Variants in AGT observed in about 807,000 individuals in gnomAD.
AGT encodes the protein angiotensinogen.
Under a neutral mutation model 28.1 loss-of-function variants are expected in AGT, and 26 were observed. The ratio of observed to expected loss-of-function variants is 0.92; its 90% CI spans 0.68 to 1.28. The LOEUF is 1.28. AGT is among the 50% of genes most tolerant of loss of function. The pLI is 0.00. For synonymous variants in AGT, 259 were observed against 259.6 expected (o/e 1.00, Z 0.02); for missense variants, 596 against 592.3 (o/e 1.01, Z -0.06).
intron 1 of AGT, among the ~76,000 whole-genome samples, chr1:230,732,519 A>G (rs1302694634): frequency 2.6e-5 from 4 of 152,252 alleles, no homozygotes; most frequent in African/African-American, 9.6e-5. Flanking sequence ...ATGCAAGAAT[A>G]ACTTTTGACT....
intron 1 of AGT, among the ~76,000 whole-genome samples, chr1:230,730,490 G>C (rs780545710): frequency 6.6e-6 from 1 of 152,062 alleles, no homozygotes; most frequent in Non-Finnish European, 1.5e-5. Flanking sequence ...CTTGAGGCTC[G>C]CTTTGGGTTT....
chr1:230,742,214 A>G (rs1452990232), intron 1 of AGT, among the ~76,000 whole-genome samples: 1 of 152,118 alleles, frequency 6.6e-6, no homozygotes, highest in African/African-American at 2.4e-5. Flanking sequence ...ATCTTTGTGT[A>G]GTTTCCGAGA....
Position 230,710,252 on chromosome 1 carries a change from T to A in AGT, c.572A>T (p.Gln191Leu), listed in dbSNP as rs1270301819. ...LLVAQGRADS[Q>L]AQLLLSTVVG... ...CACCGTGGACAGCAGCAGCTGGGCCTGGCTATCAGCCCTGCCCTGGGCCAC... is the reference window on the plus strand; with the variant it reads ...CACCGTGGACAGCAGCAGCTGGGCCAGGCTATCAGCCCTGCCCTGGGCCAC... The change falls in exon 2 of 5, where the codon CAG becomes CTG. Residue 191 changes from glutamine (Q) to leucine (L), a missense_variant. By Grantham distance (113) the Gln-to-Leu change is moderately radical. Transcript: ENST00000366667. 1 of 1,613,556 alleles carries A rather than the reference T, an allele frequency of 6.2e-7. No homozygotes were observed. Among genetic ancestry groups the A allele is most frequent in the African/African-American group, 1.3e-5 (1 of 74,932 alleles).
intron 1 of AGT, among the ~76,000 whole-genome samples, chr1:230,731,580 A>G (rs990147910): frequency 7.2e-5 from 11 of 152,304 alleles, no homozygotes; most frequent in African/African-American, 2.6e-4. Context: ...TAACACAGAA[A>G]CTTGGCCAGA....
upstream of AGT, among the ~76,000 whole-genome samples, chr1:230,719,363 C>T (rs57150750): frequency 0.049 from 7,456 of 151,070 alleles, 230 homozygotes; most frequent in Middle Eastern, 0.14. Context: ...TTTGTGATTG[C>T]AGCACATTTC....
chr1:230,706,079 C>T lies in AGT; in HGVS notation c.951G>A (p.Gln317=), dbSNP rs1571974313. 2 of 1,614,164 alleles carry T rather than the reference C, an allele frequency of 1.2e-6. No individual in the cohort carries two copies. Among genetic ancestry groups the T allele is most frequent in the East Asian group, 2.2e-5 (1 of 44,878 alleles). Residue 317 remains glutamine, a synonymous_variant, in exon 3 of 5, where the codon CAG becomes CAA. Transcript: ENST00000366667. ...MGTFQHWSDI[Q]DNFSVTQVPF... is the part of the protein sequence containing the mutation. The stretch of plus-strand genomic sequence containing the variant: ...GCACTTGAGTCACCGAGAAGTTGTC[C>T]TGGATGTCACTCCAGTGCTGGAAGG...
intron 2 of AGT, among the ~76,000 whole-genome samples, 159 bp from the exon 3 acceptor site, chr1:230,706,359 C>A (rs2102787411): frequency 6.6e-6 from 1 of 152,284 alleles, no homozygotes; most frequent in African/African-American, 2.4e-5. Context: ...GGCCACAGGA[C>A]CGCAAGTGTG....
intron 4 of AGT, 48 bp from the exon 5 acceptor site, chr1:230,703,377 C>A: frequency 6.2e-7 from 1 of 1,609,416 alleles, no homozygotes; most frequent in South Asian, 1.1e-5. Context: ...CACTGGGTGA[C>A]CCAGGGTGCT....
chr1:230,717,585 T>G (rs1663762853), upstream of AGT, among the ~76,000 whole-genome samples: 1 of 152,178 alleles, frequency 6.6e-6, no homozygotes, highest in African/African-American at 2.4e-5. Flanking sequence ...GGATCAGAAC[T>G]GCAACCCCAC....
chr1:230,703,204 A>G lies in AGT; in HGVS notation c.1368T>C (p.Tyr456=), dbSNP rs371051808. The G allele has an allele frequency of 2.9e-5, 47 of 1,614,098 alleles. 1 individual carries two copies. In the East Asian group the frequency reaches 4.0e-4, roughly 14 times the overall value. ...AGTGCAGGGCAGTGGCGCTTTGATCATACACAGCAAACAGGAATGGGCGGT... is the reference window on the plus strand; with the variant it reads ...AGTGCAGGGCAGTGGCGCTTTGATCGTACACAGCAAACAGGAATGGGCGGT... The part of the protein sequence containing the change: ...TLNRPFLFAV[Y]DQSATALHFL... Residue 456 remains tyrosine, a synonymous_variant, in exon 5 of 5, where the codon TAT becomes TAC. Transcript: ENST00000366667.
chr1:230,719,050 A>G (rs192197744), upstream of AGT, among the ~76,000 whole-genome samples: 23 of 152,278 alleles, frequency 1.5e-4, no homozygotes, highest in Non-Finnish European at 3.1e-4. Context: ...TGAAGGCTGA[A>G]TAGTATCCCA....
intron 1 of AGT, among the ~76,000 whole-genome samples, chr1:230,725,932 G>C (rs775507378): frequency 4.0e-5 from 6 of 151,690 alleles, no homozygotes; most frequent in Non-Finnish European, 8.8e-5. Context: ...ATCATGAAGA[G>C]AAGTGCCCAC....
chr1:230,722,138 T>C (rs1171904633), intron 1 of AGT, among the ~76,000 whole-genome samples: 1 of 151,712 alleles, frequency 6.6e-6, no homozygotes, highest in East Asian at 1.9e-4. Context: ...GCTTAAGCCA[T>C]GGCTAAAAGG....
intron 4 of AGT, among the ~76,000 whole-genome samples, chr1:230,703,869 C>G (rs998071267): frequency 6.6e-6 from 1 of 152,324 alleles, no homozygotes; most frequent in East Asian, 1.9e-4. Flanking sequence ...GGCACCAGGT[C>G]CAGGGGTGCT....
chr1:230,703,512 G>A (rs1663290811), intron 4 of AGT, among the ~76,000 whole-genome samples, 183 bp from the exon 5 acceptor site: 1 of 152,142 alleles, frequency 6.6e-6, no homozygotes, highest in African/African-American at 2.4e-5. Flanking sequence ...GCAAGGGTGT[G>A]TCTGTGTGTA....
At chr1:230,709,945 C>T (rs1281764075) in intron 2 of AGT, 50 bp downstream of exon 2, 1 of 1,612,744 alleles carries the variant, frequency 6.2e-7, no homozygotes, top group South Asian at 1.1e-5. Flanking sequence ...CTCAGCTACA[C>T]ATTGGATACT....
chr1:230,711,084 C>T (rs899842088), intron 1 of AGT, among the ~76,000 whole-genome samples: 8 of 152,212 alleles, frequency 5.3e-5, no homozygotes, highest in African/African-American at 1.4e-4. Flanking sequence ...CCTCCCCCAA[C>T]GGCCATAATG....
intron 1 of AGT, among the ~76,000 whole-genome samples, chr1:230,734,930 G>A (rs1315237370): frequency 1.3e-5 from 2 of 152,022 alleles, no homozygotes; most frequent in Non-Finnish European, 2.9e-5. Flanking sequence ...TGGCCAGGAT[G>A]GTCTCGATCT....
upstream of AGT, among the ~76,000 whole-genome samples, chr1:230,718,368 A>G (rs973074213): frequency 6.6e-6 from 1 of 152,192 alleles, no homozygotes; most frequent in Non-Finnish European, 1.5e-5. Context: ...ATCATCTCAC[A>G]GTTACTCATT....
Sources: gnomAD v4.1 joint callset for allele counts (sites outside exome capture counted in the v4.1 genomes callset) on GRCh38, gnomAD v4.1.1 for gene constraint, MANE v1.5 for transcripts, NCBI Gene and HGNC (gene_info 2026-07-23, HGNC 2026-07-21) for gene names.